Variants in FARP2 observed in about 807,000 individuals in gnomAD.
The protein encoded by FARP2 is FERM, ARHGEF and pleckstrin domain-containing protein 2.
In FARP2, 111 loss-of-function variants were observed where a neutral mutation model predicts 130.5. The ratio of observed to expected loss-of-function variants is 0.85; its 90% CI spans 0.73 to 1.00. FARP2 has a LOEUF of 1.00. Ranked by LOEUF, FARP2 falls within the 50% of genes least tolerant of loss-of-function variation. The pLI, the probability that FARP2 is intolerant of heterozygous loss-of-function variation, is 0.00. For missense variants in FARP2, 1,385 were observed against 1,346.3 expected, an observed-to-expected ratio of 1.03 and a Z score of -0.45; for synonymous variants, 504 against 516.9, an observed-to-expected ratio of 0.98 and a Z score of 0.34.
At chr2:241,479,441 C>G (rs1472037362) in intron 19 of FARP2, among the ~76,000 whole-genome samples, 1 of 152,238 alleles carries the variant, frequency 6.6e-6, no homozygotes, top group Non-Finnish European at 1.5e-5. Flanking sequence ...GCTCTGCCTC[C>G]CAGGTGGGAT....
intron 24 of FARP2, among the ~76,000 whole-genome samples, chr2:241,492,258 C>T (rs548394202): frequency 3.9e-4 from 59 of 152,324 alleles, no homozygotes; most frequent in Non-Finnish European, 6.9e-4. Flanking sequence ...CCAGCACCCC[C>T]GTGAGGGGGC....
chr2:241,361,299 G>C (rs1160153321), intron 1 of FARP2, among the ~76,000 whole-genome samples: 2 of 152,174 alleles, frequency 1.3e-5, no homozygotes, highest in African/African-American at 2.4e-5. Flanking sequence ...CCAGCACAGT[G>C]GGTGATAGTA....
intron 8 of FARP2, among the ~76,000 whole-genome samples, chr2:241,422,718 A>G (rs1033084421): frequency 6.6e-6 from 1 of 152,178 alleles, no homozygotes; most frequent in Admixed American, 6.5e-5. Context: ...CAAAGAAGCT[A>G]AGGACCATGA....
At chr2:241,386,942 C>A (rs999209937) in intron 2 of FARP2, 3 of 152,206 alleles carry the variant, frequency 2.0e-5, no homozygotes, top group Non-Finnish European at 4.4e-5. Flanking sequence ...TATATTCAAC[C>A]ATGTAACCAA....
chr2:241,441,438 TC>T lies in FARP2; in HGVS notation c.1297del (p.Gln433ArgfsTer56). On this transcript the variant is annotated frameshift_variant, in exon 13 of 27. Transcript: ENST00000264042. LOFTEE classifies it high-confidence loss of function. ...FKDSSSSLTD[P>X]QVSYVKSPAA... ...AGGACAGCAGCAGCTCCCTCACAGA[TC>T]CCCAGGTTTCCTACGTCAAGAGTCC... 1 of 1,614,122 alleles carries T rather than the reference TC, an allele frequency of 6.2e-7. No individual in the cohort carries two copies. Among genetic ancestry groups the T allele is most frequent in the Non-Finnish European group, 8.5e-7 (1 of 1,180,018 alleles).
intron 8 of FARP2, among the ~76,000 whole-genome samples, chr2:241,427,032 C>T (rs997236698): frequency 3.4e-4 from 51 of 152,062 alleles, no homozygotes; most frequent in African/African-American, 1.2e-3. Flanking sequence ...GTCACAAGTT[C>T]GAGACCAGCC....
At chr2:241,380,246 A>AC (rs1448404599) in intron 2 of FARP2, among the ~76,000 whole-genome samples, 3 of 152,220 alleles carry the variant, frequency 2.0e-5, no homozygotes, top group South Asian at 2.1e-4. Flanking sequence ...TGACTGGGTC[A>AC]CCTGGACTCG....
chr2:241,387,724 CG>C (rs2061819924), intron 2 of FARP2, among the ~76,000 whole-genome samples: 1 of 144,560 alleles, frequency 6.9e-6, no homozygotes, highest in Non-Finnish European at 1.5e-5. Flanking sequence ...ACCCGGGAGG[CG>C]GAGCTTGCAG....
chr2:241,471,182 T>C (rs934073911), intron 18 of FARP2: 1 of 150,278 alleles, frequency 6.7e-6, no homozygotes, highest in African/African-American at 2.5e-5. Flanking sequence ...AGGGGGATGT[T>C]CTTCTGAGGG....
chr2:241,483,509 C>T lies in FARP2; in HGVS notation c.2307C>T (p.Gly769=), dbSNP rs1388503976. ...GCCTTCACAAGCTCACCAAGAAGGG[C>T]CTGCAGCAGAGGATGTTTTTTCTGG... The part of the protein sequence containing the change: ...EGCLHKLTKK[G]LQQRMFFLFS... The change falls in exon 20 of 27, where the codon GGC becomes GGT. Residue 769 remains glycine (G), a synonymous_variant. Coordinates refer to ENST00000264042, the MANE Select transcript of FARP2 (RefSeq NM_014808.4). 6.2e-7 allele frequency: 1 copy of T among 1,614,054 alleles called. No individual in the cohort carries two copies.
At chr2:241,423,213 G>T (rs2062854108) in intron 8 of FARP2, among the ~76,000 whole-genome samples, 2 of 152,198 alleles carry the variant, frequency 1.3e-5, no homozygotes, top group Admixed American at 1.3e-4. Context: ...CAGCCAGAGA[G>T]AAAGGCCAGG....
intron 18 of FARP2, among the ~76,000 whole-genome samples, chr2:241,471,584 C>T (rs2064308912): frequency 1.3e-5 from 2 of 150,234 alleles, no homozygotes; most frequent in South Asian, 4.3e-4. Flanking sequence ...AGCTCCGCCT[C>T]CTGGGTTCAT....
At chr2:241,402,634 G>C (rs1232782589) in intron 2 of FARP2, among the ~76,000 whole-genome samples, 3 of 151,110 alleles carry the variant, frequency 2.0e-5, no homozygotes, top group Non-Finnish European at 2.9e-5. Flanking sequence ...ATTTATTTTT[G>C]TGAGTAATGT....
intron 24 of FARP2, 35 bp from the exon 25 acceptor site, chr2:241,492,894 T>C (rs1473282997): frequency 8.0e-7 from 1 of 1,249,554 alleles, no homozygotes; most frequent in East Asian, 2.3e-5. Flanking sequence ...TCCTGGGTGC[T>C]GGTTAATGCA....
chr2:241,408,136 A>C (rs906966949), intron 5 of FARP2, among the ~76,000 whole-genome samples: 2 of 152,152 alleles, frequency 1.3e-5, no homozygotes, highest in African/African-American at 2.4e-5. Flanking sequence ...TTGGGAGGCC[A>C]AGGCGGGCAG....
intron 11 of FARP2, among the ~76,000 whole-genome samples, chr2:241,435,669 G>A (rs546416997): frequency 4.7e-5 from 7 of 149,660 alleles, no homozygotes; most frequent in Non-Finnish European, 8.9e-5. Flanking sequence ...CTGCCACCAC[G>A]CCTGGCAAAT....
At chr2:241,451,394 G>A in intron 13 of FARP2, among the ~76,000 whole-genome samples, 1 of 152,188 alleles carries the variant, frequency 6.6e-6, no homozygotes, top group East Asian at 1.9e-4. Flanking sequence ...AAAGTGCAGA[G>A]CTCAGTAAAA....
chr2:241,359,549 G>A (rs913074805), intron 1 of FARP2, among the ~76,000 whole-genome samples: 2 of 152,116 alleles, frequency 1.3e-5, no homozygotes, highest in African/African-American at 4.8e-5. Flanking sequence ...TTTCTATGTA[G>A]TCCTCTGCCT....
chr2:241,479,089 C>CTT, intron 19 of FARP2: 1 of 476,192 alleles, frequency 2.1e-6, no homozygotes, highest in South Asian at 3.4e-5. Flanking sequence ...AAGGAACCTG[C>CTT]TTTTGATCAT....
Sources: gnomAD v4.1 joint callset for allele counts (sites outside exome capture counted in the v4.1 genomes callset) on GRCh38, gnomAD v4.1.1 for gene constraint, MANE v1.5 for transcripts, NCBI Gene and HGNC (gene_info 2026-07-23, HGNC 2026-07-21) for gene names.